The following PCDHGA5 variants were observed in gnomAD, a reference collection of about 807,000 sequenced individuals.
PCDHGA5 encodes protocadherin gamma-A5.
A neutral mutation model predicts 56.7 loss-of-function variants in PCDHGA5; 36 were observed. That is an observed-to-expected ratio of 0.64 (90% CI 0.49 to 0.84). The LOEUF (loss-of-function observed/expected upper bound fraction) is 0.84. Among genes scored for constraint, PCDHGA5 ranks in the 40% least tolerant of loss-of-function variants. The pLI is 0.00. For synonymous variants in PCDHGA5, 563 were observed against 520.2 expected (o/e 1.08, Z -1.12); for missense variants, 1,305 against 1,201.5 (o/e 1.09, Z -1.27).
Position 141,476,610 on chromosome 5 carries a change from G to A in PCDHGA5, c.2422-18197G>A, listed in dbSNP as rs769858609. ...GAGAGCGCGCACGATCCCGATGTGGGAAGCAACTCTTTACAAACCTATGAG... is the reference window on the plus strand; with the variant it reads ...GAGAGCGCGCACGATCCCGATGTGGAAAGCAACTCTTTACAAACCTATGAG... On this transcript the variant is annotated intron_variant, in intron 1 of 3. Coordinates refer to ENST00000518069, the MANE Select transcript of PCDHGA5 (RefSeq NM_018918.3). The surrounding 1 kb of genome is among the most constrained non-coding windows in gnomAD (Gnocchi z 7.6). The A allele has an allele frequency of 1.2e-6, 2 of 1,614,262 alleles. No homozygotes were observed. The highest frequency in any genetic ancestry group is 3.3e-5 in the Admixed American group (2 of 60,036).
chr5:141,444,265 A>G (rs1355824197), intron 1 of PCDHGA5, among the ~76,000 whole-genome samples: 3 of 133,712 alleles, frequency 2.2e-5, no homozygotes, highest in Non-Finnish European at 3.1e-5. Flanking sequence ...TCCGCCTCCC[A>G]GGTTCAAGTG....
chr5:141,423,868 T>G (rs2154550529), intron 1 of PCDHGA5: 1 of 1,283,788 alleles, frequency 7.8e-7, no homozygotes, highest in East Asian at 3.1e-5. Flanking sequence ...GTGAAAGTCA[T>G]TTTTCAATCT....
At chr5:141,450,006 C>CTTTTTTT (rs1554136305) in intron 1 of PCDHGA5, among the ~76,000 whole-genome samples, 1 of 132,982 alleles carries the variant, frequency 7.5e-6, no homozygotes, top group Admixed American at 7.8e-5. Context: ...TGCCATGTCT[C>CTTTTTTT]TTTTTTTTTT....
Position 141,431,062 on chromosome 5 carries a change from G to C in PCDHGA5, c.2422-63745G>C, listed in dbSNP as rs2097341170. On this transcript the variant is annotated intron_variant, in intron 1 of 3. Coordinates refer to ENST00000518069, the MANE Select transcript of PCDHGA5 (RefSeq NM_018918.3). This position sits in a 1 kb window ranked among gnomAD's most constrained non-coding sequence, Gnocchi z 4.8. ...AGGAGCTCTGTATGGGGGCCATCAA[G>C]TGTCAATTAAATCTAGACATTCTGA... 6.2e-7 allele frequency: 1 copy of C among 1,614,212 alleles called. No individual in the cohort carries two copies. The highest frequency in any genetic ancestry group is 1.3e-5 in the African/African-American group (1 of 75,084).
chr5:141,478,576 G>C (rs543160289), intron 1 of PCDHGA5: 3 of 1,585,598 alleles, frequency 1.9e-6, no homozygotes, highest in Middle Eastern at 3.3e-4. Flanking sequence ...GCTTGACCCT[G>C]TTAGTGCTTT....
chr5:141,481,257 A>T (rs2099534664), intron 1 of PCDHGA5, among the ~76,000 whole-genome samples: 1 of 152,172 alleles, frequency 6.6e-6, no homozygotes, highest in African/African-American at 2.4e-5. Context: ...GCTCTAAAAG[A>T]TCACTGTAGG....
rs2233607 is a variant in PCDHGA5 at position 141,490,647 on chromosome 5, G to A, written c.2422-4160G>A. The A allele has an allele frequency of 2.5e-3, 3,973 of 1,614,082 alleles. 41 individuals carry two copies. The African/African-American group carries it at 0.027, about 11-fold the overall frequency. ...CTTACATCCTAGAAAACCGGCCTCC[G>A]GGCTCCCTTCTTTGCACTGTGGCTG... is the stretch of plus-strand genomic sequence containing the variant. On this transcript the variant is annotated intron_variant, in intron 1 of 3. Transcript: ENST00000518069. The surrounding 1 kb of genome is among the most constrained non-coding windows in gnomAD (Gnocchi z 5.4).
chr5:141,394,496 G>T (rs779718881), intron 1 of PCDHGA5: 5 of 1,614,118 alleles, frequency 3.1e-6, no homozygotes, highest in Middle Eastern at 1.6e-4. Context: ...ACGCGCCCGA[G>T]ATCCTGTACC....
rs1297208780 is a variant in PCDHGA5 at position 141,486,613 on chromosome 5, T to C, written c.2422-8194T>C. 2 of 1,613,658 alleles carry C rather than the reference T, an allele frequency of 1.2e-6. No individual in the cohort carries two copies. The highest frequency in any genetic ancestry group is 2.7e-5 in the African/African-American group (2 of 75,074). On this transcript the variant is annotated intron_variant, in intron 1 of 3. Coordinates refer to ENST00000518069, the MANE Select transcript of PCDHGA5 (RefSeq NM_018918.3). The surrounding 1 kb of genome is among the most constrained non-coding windows in gnomAD (Gnocchi z 5.0). ...ACCTGCTTTGCTCCCTTGCAGCCTC[T>C]GACCCAGACTCTGGCTTGAATGCGC...
chr5:141,410,849 C>CTTTTTTTTTGTTTTTTTT (rs2095433801), intron 1 of PCDHGA5: 1 of 129,786 alleles, frequency 7.7e-6, no homozygotes, highest in African/African-American at 6.0e-5. Context: ...TTGTCTTTGT[C>CTTTTTTTTTGTTTTTTTT]TTTTTTTTTT....
At chr5:141,492,404 T>C (rs944864208) in intron 1 of PCDHGA5, among the ~76,000 whole-genome samples, 9 of 152,316 alleles carry the variant, frequency 5.9e-5, no homozygotes, top group African/African-American at 1.9e-4. Context: ...GCAGCTCCCC[T>C]CTGCCGCTCC....
At chr5:141,475,840 A>T in intron 1 of PCDHGA5, 1 of 434,888 alleles carries the variant, frequency 2.3e-6, no homozygotes, top group Non-Finnish European at 4.1e-6. Flanking sequence ...TGTCCTGCTC[A>T]GAGAGCCCGG....
chr5:141,511,010 A>G lies in PCDHGA5; in HGVS notation c.2633A>G (p.Tyr878Cys), dbSNP rs1286219897. 6.2e-6 allele frequency: 10 copies of G among 1,614,054 alleles called. No homozygotes were observed. Among genetic ancestry groups the G allele is most frequent in the African/African-American group, 1.3e-5 (1 of 74,916 alleles). Residue 878 changes from tyrosine to cysteine, a missense_variant, in exon 4 of 4, where the codon TAC becomes TGC. By Grantham distance (194) the Tyr-to-Cys change is radical (BLOSUM62 -2). Coordinates refer to ENST00000518069, the MANE Select transcript of PCDHGA5 (RefSeq NM_018918.3). ...GGCACCATGGGATTGAGCGCCCGCT[A>G]CGGACCCCAGTTCACCCTGCAGCAC... Reference protein sequence around the residue: ...GAGTMGLSARYGPQFTLQHVP... With the variant: ...GAGTMGLSARCGPQFTLQHVP...
intron 1 of PCDHGA5, chr5:141,416,276 A>G (rs553989511): frequency 6.6e-6 from 1 of 152,388 alleles, no homozygotes; most frequent in East Asian, 1.9e-4. Context: ...TTTTGCATAC[A>G]ATTCTCTAAT....
In PCDHGA5 at chr5:141,422,435, A is replaced by G. The variant is rs199795822; in HGVS notation, c.2421+55684A>G. 7.8e-4 allele frequency: 1,254 copies of G among 1,609,700 alleles called. 7 individuals are homozygous for G. The highest frequency in any genetic ancestry group is 2.1e-3 in the South Asian group (193 of 90,090). Reference sequence around the variant, plus strand: ...TTAGAAAAGACTTATGGAAATTATTACAAATTGATAACAAGCAGAGTGCTG... The same window carrying G: ...TTAGAAAAGACTTATGGAAATTATTGCAAATTGATAACAAGCAGAGTGCTG... On this transcript the variant is annotated intron_variant, in intron 1 of 3. Transcript: ENST00000518069.
At chr5:141,480,298 C>G (rs1238380283) in intron 1 of PCDHGA5, among the ~76,000 whole-genome samples, 1 of 132,676 alleles carries the variant, frequency 7.5e-6, no homozygotes, top group Non-Finnish European at 1.6e-5. Flanking sequence ...ACCTGTGGTA[C>G]CAGCTACTTG....
In PCDHGA5 at chr5:141,431,371, A is replaced by G. The variant is rs2097366432; in HGVS notation, c.2422-63436A>G. The G allele has an allele frequency of 6.2e-7, 1 of 1,613,998 alleles. No individual in the cohort carries two copies. The highest frequency in any genetic ancestry group is 8.5e-7 in the Non-Finnish European group (1 of 1,180,038). ...TGAAACGCGCCCTGGACCGCGAAGA[A>G]AAGGCTGCTCACCACCTGGTCCTTA... On this transcript the variant is annotated intron_variant, in intron 1 of 3. Transcript: ENST00000518069. The surrounding 1 kb of genome is among the most constrained non-coding windows in gnomAD (Gnocchi z 4.8).
chr5:141,501,621 A>T (rs1348614977), intron 2 of PCDHGA5, among the ~76,000 whole-genome samples: 1 of 152,100 alleles, frequency 6.6e-6, no homozygotes, highest in Non-Finnish European at 1.5e-5. Context: ...ACTCTGGTAT[A>T]GTCTCTCAAC....
At chr5:141,385,189 C>T (rs368141492) in intron 1 of PCDHGA5, 2 of 1,614,222 alleles carry the variant, frequency 1.2e-6, no homozygotes, top group Non-Finnish European at 1.7e-6. Context: ...CGCGGACTCT[C>T]GGAAGAGTCA....
Sources: allele counts gnomAD v4.1 joint callset (sites outside exome capture counted in the v4.1 genomes callset), GRCh38; gene constraint gnomAD v4.1.1; non-coding constraint Gnocchi (gnomAD v3.1); transcripts MANE v1.5; gene names NCBI Gene and HGNC (gene_info 2026-07-23, HGNC 2026-07-21).